The following NTNG1 variants were observed in gnomAD, a reference collection of about 807,000 sequenced individuals.
NTNG1 encodes the protein netrin G1, also known as netrin-G1.
In NTNG1, 16 loss-of-function variants were observed where a neutral mutation model predicts 54.0. That is an observed-to-expected ratio of 0.30 (90% CI 0.20 to 0.45). NTNG1 has a LOEUF of 0.45. Ranked by LOEUF, NTNG1 falls within the 20% of genes least tolerant of loss-of-function variation. The pLI is 1.00. For synonymous variants in NTNG1, 255 were observed against 263.1 expected, an observed-to-expected ratio of 0.97 and a Z score of 0.30; for missense variants, 530 against 678.7, an observed-to-expected ratio of 0.78 and a Z score of 2.43.
At chr1:107,280,821 T>G (rs1243835782) in intron 2 of NTNG1, among the ~76,000 whole-genome samples, 1 of 151,966 alleles carries the variant, frequency 6.6e-6, no homozygotes, top group Non-Finnish European at 1.5e-5. Context: ...CCTAGACAGT[T>G]TATTTAATTT....
At chr1:107,346,571 T>G (rs956727703) in intron 3 of NTNG1, among the ~76,000 whole-genome samples, 1 of 152,064 alleles carries the variant, frequency 6.6e-6, no homozygotes, top group South Asian at 2.1e-4. Flanking sequence ...TTTGGCAAGT[T>G]TTAAAAAACT....
chr1:107,201,255 CT>C (rs1231276541), intron 2 of NTNG1, among the ~76,000 whole-genome samples: 1 of 151,700 alleles, frequency 6.6e-6, no homozygotes, highest in Non-Finnish European at 1.5e-5. Context: ...CTTTGCCTTC[CT>C]TTTGTGTATT....
intron 5 of NTNG1, chr1:107,421,271 A>C: frequency 1.5e-6 from 1 of 648,766 alleles, no homozygotes; most frequent in African/African-American, 1.8e-5. Context: ...GACTAATATC[A>C]ATCAATGCAT....
At chr1:107,323,104 GA>G (rs758878388) in intron 2 of NTNG1, among the ~76,000 whole-genome samples, 4,948 of 131,400 alleles carry the variant, frequency 0.038, 187 homozygotes, top group African/African-American at 0.1. Context: ...ACAGTATATG[GA>G]AAAAAAAAAA....
chr1:107,189,022 T>C (rs1364860516), intron 2 of NTNG1, among the ~76,000 whole-genome samples: 3 of 152,014 alleles, frequency 2.0e-5, no homozygotes, highest in Non-Finnish European at 4.4e-5. Flanking sequence ...GAATAGGTGT[T>C]GGTGTACAGT....
At chr1:107,271,939 G>A (rs1285717786) in intron 2 of NTNG1, among the ~76,000 whole-genome samples, 1 of 152,162 alleles carries the variant, frequency 6.6e-6, no homozygotes, top group Non-Finnish European at 1.5e-5. Flanking sequence ...GTTCTGTCAA[G>A]TTTAGTACCT....
At chr1:107,473,400 T>C (rs1013375736) in intron 7 of NTNG1, among the ~76,000 whole-genome samples, 4 of 152,066 alleles carry the variant, frequency 2.6e-5, no homozygotes, top group Admixed American at 2.6e-4. Flanking sequence ...GATAAAAGAA[T>C]AGAACAAGTG....
intron 2 of NTNG1, among the ~76,000 whole-genome samples, chr1:107,159,731 T>C (rs1655273762): frequency 6.6e-6 from 1 of 152,200 alleles, no homozygotes; most frequent in African/African-American, 2.4e-5. Flanking sequence ...GCTACAATAC[T>C]ATCATTTTGT....
At chr1:107,397,557 T>A (rs1371457546) in intron 4 of NTNG1, among the ~76,000 whole-genome samples, 1 of 152,160 alleles carries the variant, frequency 6.6e-6, no homozygotes, top group African/African-American at 2.4e-5. Context: ...TAATAACAGT[T>A]ATTACCTCCT....
At chr1:107,201,900 G>A (rs1354180443) in intron 2 of NTNG1, among the ~76,000 whole-genome samples, 2 of 151,824 alleles carry the variant, frequency 1.3e-5, no homozygotes, top group African/African-American at 4.8e-5. Flanking sequence ...CTTACTCCAT[G>A]AAATGATCCT....
At chr1:107,379,224 G>C (rs895902837) in intron 3 of NTNG1, among the ~76,000 whole-genome samples, 1 of 152,172 alleles carries the variant, frequency 6.6e-6, no homozygotes, top group African/African-American at 2.4e-5. Flanking sequence ...TCAAGGTCTG[G>C]AACTGCATCG....
In NTNG1 at chr1:107,324,364, A is replaced by G. The variant is rs749904884; in HGVS notation, c.329A>G (p.Glu110Gly). ...CCCCCTGAGCTGATGTTTGATTTTG[A>G]AGGAAGACATCCCTCCACATTTTGG... ...AHPPELMFDFEGRHPSTFWQS... is the reference protein window; with the variant it reads ...AHPPELMFDFGGRHPSTFWQS... Residue 110 changes from glutamate to glycine, a missense_variant, in exon 3 of 8, where the codon GAA becomes GGA. This residue lies in a region of NTNG1 where 318 missense variants were observed against 465.1 expected (regional missense o/e 0.68). Transcript: ENST00000370068. 7 of 1,613,638 alleles carry G rather than the reference A, an allele frequency of 4.3e-6. No individual in the cohort carries two copies.
At chr1:107,261,856 A>G (rs1663366982) in intron 2 of NTNG1, among the ~76,000 whole-genome samples, 1 of 152,148 alleles carries the variant, frequency 6.6e-6, no homozygotes, top group Non-Finnish European at 1.5e-5. Context: ...AAACAAAACA[A>G]AACAAAAAAA....
At chr1:107,293,172 A>G (rs897462494) in intron 2 of NTNG1, among the ~76,000 whole-genome samples, 1 of 152,236 alleles carries the variant, frequency 6.6e-6, no homozygotes, top group African/African-American at 2.4e-5. Context: ...GTGTACAAAT[A>G]TGATCACTTA....
At chr1:107,351,854 C>G (rs1669631355) in intron 3 of NTNG1, among the ~76,000 whole-genome samples, 1 of 152,196 alleles carries the variant, frequency 6.6e-6, no homozygotes, top group Non-Finnish European at 1.5e-5. Flanking sequence ...CTCCAAGGTA[C>G]AATTAGGATA....
intron 4 of NTNG1, among the ~76,000 whole-genome samples, chr1:107,397,911 G>A (rs538467777): frequency 1.2e-4 from 18 of 151,974 alleles, no homozygotes; most frequent in African/African-American, 4.3e-4. Flanking sequence ...GCCAAGCACA[G>A]GACCTTCAGC....
chr1:107,474,819 G>C (rs1678207559), intron 7 of NTNG1, among the ~76,000 whole-genome samples: 1 of 152,114 alleles, frequency 6.6e-6, no homozygotes, highest in Non-Finnish European at 1.5e-5. Context: ...CATGAAGGTG[G>C]AGCCCTTATG....
intron 2 of NTNG1, among the ~76,000 whole-genome samples, chr1:107,296,460 G>A (rs192643977): frequency 6.3e-4 from 95 of 151,720 alleles, no homozygotes; most frequent in African/African-American, 2.2e-3. Flanking sequence ...TAATCACTAA[G>A]AGAAATTTAA....
intron 3 of NTNG1, among the ~76,000 whole-genome samples, chr1:107,361,141 TA>T (rs1670241699): frequency 6.9e-6 from 1 of 145,310 alleles, no homozygotes; most frequent in Admixed American, 7.0e-5. Flanking sequence ...TCTTATATTA[TA>T]TATTATATAT....
Sources: allele counts gnomAD v4.1 joint callset (sites outside exome capture counted in the v4.1 genomes callset), GRCh38; gene constraint gnomAD v4.1.1; regional missense constraint gnomAD v4.1.1; transcripts MANE v1.5; gene names NCBI Gene and HGNC (gene_info 2026-07-23, HGNC 2026-07-21).